The following PCDHGB2 variants were observed in gnomAD, a reference collection of about 807,000 sequenced individuals.
PCDHGB2 encodes the protein protocadherin gamma-B2.
Under a neutral mutation model 59.3 loss-of-function variants are expected in PCDHGB2, and 55 were observed. That is an observed-to-expected ratio of 0.93 (90% CI 0.75 to 1.16). The LOEUF (loss-of-function observed/expected upper bound fraction) is 1.16, where lower values mean the gene tolerates loss of function less well. Among genes scored for constraint, PCDHGB2 ranks in the 50% most tolerant of loss-of-function variants. The probability of loss-of-function intolerance (pLI) is 0.00; values close to 1 mark genes in which losing one functional copy is unlikely to be tolerated. For missense variants in PCDHGB2, 1,228 were observed against 1,198.5 expected, an observed-to-expected ratio of 1.02 and a Z score of -0.36; for synonymous variants, 516 against 512.0, an observed-to-expected ratio of 1.01 and a Z score of -0.11.
chr5:141,499,402 A>G (rs2099791723), intron 2 of PCDHGB2, among the ~76,000 whole-genome samples: 2 of 152,212 alleles, frequency 1.3e-5, no homozygotes, highest in South Asian at 4.1e-4. Context: ...GTACATGCTC[A>G]TTATAGAAAC....
intron 1 of PCDHGB2, among the ~76,000 whole-genome samples, chr5:141,450,832 T>TTATTA (rs764784095): frequency 5.6e-5 from 8 of 142,316 alleles, no homozygotes; most frequent in African/African-American, 2.2e-4. Context: ...TATTATTATT[T>TTATTA]TTTTTTTTTT....
In PCDHGB2 at chr5:141,491,533, C is replaced by G. The variant is rs758270791; in HGVS notation, c.2422-3274C>G. 4.3e-6 allele frequency: 7 copies of G among 1,614,010 alleles called. No homozygotes were observed. The highest frequency in any genetic ancestry group is 5.1e-6 in the Non-Finnish European group (6 of 1,180,028). ...GCTCAAGTACATGGAGGTGACGCTGCGGCCCACAGACTCGCAGAGCCACTG... is the reference window on the plus strand; with the variant it reads ...GCTCAAGTACATGGAGGTGACGCTGGGGCCCACAGACTCGCAGAGCCACTG... On this transcript the variant is annotated intron_variant, in intron 1 of 3. Transcript: ENST00000522605. The surrounding 1 kb of genome is among the most constrained non-coding windows in gnomAD (Gnocchi z 6.9).
intron 1 of PCDHGB2, among the ~76,000 whole-genome samples, chr5:141,466,594 C>G (rs557960608): frequency 6.6e-6 from 1 of 152,268 alleles, no homozygotes; most frequent in Admixed American, 6.5e-5. Flanking sequence ...TTAAAACAAG[C>G]TAGCTACTTG....
At chr5:141,488,834 G>A (rs976460724) in intron 1 of PCDHGB2, among the ~76,000 whole-genome samples, 1 of 152,160 alleles carries the variant, frequency 6.6e-6, no homozygotes, top group Admixed American at 6.5e-5. Context: ...GCTGCCAAGG[G>A]GGCTGAATCA....
chr5:141,415,758 T>TG, intron 1 of PCDHGB2: 1 of 1,381,742 alleles, frequency 7.2e-7, no homozygotes, highest in South Asian at 1.7e-5. Context: ...TTTTTTTTTT[T>TG]TTTTTTTTTT....
At chr5:141,375,418 C>G in intron 1 of PCDHGB2, 1 of 1,613,972 alleles carries the variant, frequency 6.2e-7, no homozygotes, top group Non-Finnish European at 8.5e-7. Context: ...TGGCAGACAC[C>G]AACGACAACC....
chr5:141,375,179 A>G (rs2150054707), intron 1 of PCDHGB2: 4 of 1,613,972 alleles, frequency 2.5e-6, no homozygotes, highest in Middle Eastern at 1.6e-4. Context: ...AGGAACAGTA[A>G]TCGCCCTTTT....
chr5:141,470,597 T>A (rs1309687738), intron 1 of PCDHGB2, among the ~76,000 whole-genome samples: 5 of 152,216 alleles, frequency 3.3e-5, no homozygotes, highest in Non-Finnish European at 7.3e-5. Flanking sequence ...AGGCGACCTG[T>A]GCGGGGACAC....
intron 1 of PCDHGB2, chr5:141,367,869 G>A (rs1765370199): frequency 6.6e-6 from 1 of 152,012 alleles, no homozygotes; most frequent in Non-Finnish European, 1.5e-5. Context: ...AAGTGTAGGT[G>A]CAATTCTTCT....
At position 141,490,409 on chromosome 5, in the gene PCDHGB2, C is replaced by G; in HGVS notation, c.2422-4398C>G. On this transcript the variant is annotated intron_variant, in intron 1 of 3. Transcript: ENST00000522605. The surrounding 1 kb of genome is among the most constrained non-coding windows in gnomAD (Gnocchi z 5.4). ...AATGGTGAAGTGAGCCTTGATATCT[C>G]TCCGGACCTGCCATTTCAGATTAAG... 1 of 1,614,202 alleles carries G rather than the reference C, an allele frequency of 6.2e-7. No homozygotes were observed. Among genetic ancestry groups the G allele is most frequent in the Non-Finnish European group, 8.5e-7 (1 of 1,180,038 alleles).
intron 1 of PCDHGB2, chr5:141,430,780 C>T: frequency 6.6e-7 from 1 of 1,511,476 alleles, no homozygotes; most frequent in Non-Finnish European, 8.8e-7. Flanking sequence ...CGCGACTGCA[C>T]CGGGACTACA....
chr5:141,419,569 C>T (rs1200109635), intron 1 of PCDHGB2: 3 of 1,611,654 alleles, frequency 1.9e-6, no homozygotes, highest in East Asian at 2.2e-5. Context: ...TGGGTCCCGA[C>T]GGCTCCGCGC....
Position 141,403,639 on chromosome 5 carries a change from T to C in PCDHGB2, c.2421+41083T>C, listed in dbSNP as rs377402370. On this transcript the variant is annotated intron_variant, in intron 1 of 3. Coordinates refer to ENST00000522605, the MANE Select transcript of PCDHGB2 (RefSeq NM_018923.3). ...GTCGCTCCAGCACAGTGCGCATCCA[T>C]GTGACAGTGTTGGATACAAATGATA... 1.4e-4 allele frequency: 219 copies of C among 1,613,892 alleles called. 1 individual carries two copies. The East Asian group carries it at 4.5e-3, about 33-fold the overall frequency.
chr5:141,366,780 C>A, intron 1 of PCDHGB2: 1 of 1,584,768 alleles, frequency 6.3e-7, no homozygotes, highest in Non-Finnish European at 8.6e-7. Context: ...TAAGGATGAC[C>A]AGAACATTTT....
intron 1 of PCDHGB2, chr5:141,441,823 C>T (rs538052540): frequency 3.9e-5 from 14 of 357,336 alleles, no homozygotes; most frequent in Non-Finnish European, 6.6e-5. Context: ...AGCTCTGGAG[C>T]GCAATGGCTT....
chr5:141,477,162 C>A lies in PCDHGB2; in HGVS notation c.2422-17645C>A, dbSNP rs147392557. ...GAGGTTGTGGATGTGAATGACAACG[C>A]CCCGGAGATCACAGTCACCTCCGTG... On this transcript the variant is annotated intron_variant, in intron 1 of 3. Transcript: ENST00000522605. This position sits in a 1 kb window ranked among gnomAD's most constrained non-coding sequence, Gnocchi z 4.9. 3.5e-5 allele frequency: 57 copies of A among 1,614,162 alleles called. No homozygotes were observed. The Middle Eastern group carries it at 9.9e-4, about 28-fold the overall frequency.
chr5:141,430,673 C>A, intron 1 of PCDHGB2: 1 of 1,288,318 alleles, frequency 7.8e-7, no homozygotes, highest in Non-Finnish European at 1.0e-6. Flanking sequence ...TCTGACTTCC[C>A]AACTGTCCCA....
chr5:141,371,914 T>C (rs1768185765), intron 1 of PCDHGB2: 1 of 1,613,262 alleles, frequency 6.2e-7, no homozygotes, highest in Admixed American at 1.7e-5. Context: ...TACGTGTCCG[T>C]GAGCGCGCGG....
At chr5:141,364,796 T>C in intron 1 of PCDHGB2, 2 of 1,614,046 alleles carry the variant, frequency 1.2e-6, no homozygotes, top group South Asian at 2.2e-5. Context: ...AGTGCTTCCC[T>C]TCGCGCGGGA....
Sources: gnomAD v4.1 joint callset for allele counts (sites outside exome capture counted in the v4.1 genomes callset) on GRCh38, gnomAD v4.1.1 for gene constraint, Gnocchi (gnomAD v3.1) non-coding constraint, MANE v1.5 for transcripts, NCBI Gene and HGNC (gene_info 2026-07-23, HGNC 2026-07-21) for gene names.